The following GRIP1 variants were observed in gnomAD, a reference collection of about 807,000 sequenced individuals.
GRIP1 encodes glutamate receptor interacting protein 1, also known as glutamate receptor-interacting protein 1.
GRIP1 carries 45 observed loss-of-function variants against 129.9 expected under a neutral mutation model. The observed-to-expected ratio is 0.35, with a 90% CI of 0.27 to 0.44. The LOEUF is 0.44. GRIP1 is among the 20% of genes least tolerant of loss of function. The pLI is 1.00. For missense variants in GRIP1, 1,196 were observed against 1,396.8 expected (o/e 0.86, Z 2.29); for synonymous variants, 530 against 520.8 (o/e 1.02, Z -0.24).
intron 1 of GRIP1, among the ~76,000 whole-genome samples, chr12:66,815,842 TTCTTTCTTTCTTTCTC>T (rs1196613490): frequency 2.3e-5 from 1 of 43,066 alleles, no homozygotes; most frequent in Non-Finnish European, 7.7e-5. Flanking sequence ...CTTTCTTTCT[TTCTTTCTTTCTTTCTC>T]TCTCTCTCTC....
At chr12:66,877,993 T>C (rs1399389760) in intron 1 of GRIP1, among the ~76,000 whole-genome samples, 2 of 152,096 alleles carry the variant, frequency 1.3e-5, no homozygotes, top group Non-Finnish European at 2.9e-5. Context: ...GACATAAGGT[T>C]TCCTCTGCTT....
At chr12:66,547,566 C>G (rs1043870962) in intron 2 of GRIP1, among the ~76,000 whole-genome samples, 1 of 152,166 alleles carries the variant, frequency 6.6e-6, no homozygotes, top group East Asian at 1.9e-4. Context: ...TGTGGTTTGT[C>G]TATACCACGG....
chr12:66,476,382 C>T (rs1480026159), intron 7 of GRIP1, among the ~76,000 whole-genome samples: 5 of 152,100 alleles, frequency 3.3e-5, no homozygotes. Flanking sequence ...TAATAGCTTA[C>T]CAACCAAAAA....
At chr12:66,416,266 A>T (rs1029354893) in intron 15 of GRIP1, among the ~76,000 whole-genome samples, 2 of 152,180 alleles carry the variant, frequency 1.3e-5, no homozygotes, top group Admixed American at 1.3e-4. Flanking sequence ...AGCAGCACTA[A>T]GCAGGAAATT....
intron 1 of GRIP1, among the ~76,000 whole-genome samples, chr12:66,608,459 A>G (rs532436546): frequency 6.6e-6 from 1 of 152,144 alleles, no homozygotes; most frequent in Non-Finnish European, 1.5e-5. Flanking sequence ...CAGCCTACTG[A>G]GTAGCTGGGA....
At chr12:66,515,530 A>G (rs1668173237) in intron 7 of GRIP1, 89 bp downstream of exon 7, 2 of 1,187,760 alleles carry the variant, frequency 1.7e-6, no homozygotes, top group Admixed American at 1.7e-5. Context: ...GGAGGGCATG[A>G]CAATACATAC....
At chr12:67,021,919 C>T (rs903337692) in intron 1 of GRIP1, among the ~76,000 whole-genome samples, 12 of 152,044 alleles carry the variant, frequency 7.9e-5, no homozygotes, top group African/African-American at 2.9e-4. Flanking sequence ...TTTTTCTGGT[C>T]CTGGCTTATT....
intron 23 of GRIP1, among the ~76,000 whole-genome samples, chr12:66,356,988 T>C (rs1844410005): frequency 6.6e-6 from 1 of 152,216 alleles, no homozygotes; most frequent in African/African-American, 2.4e-5. Context: ...GCAATTCTCC[T>C]ATCTCAGCCA....
At chr12:66,579,887 T>G (rs11176278) in intron 2 of GRIP1, among the ~76,000 whole-genome samples, 7,596 of 144,756 alleles carry the variant, frequency 0.052, 259 homozygotes, top group African/African-American at 0.075. Context: ...CCAACATTCA[T>G]ATTCAGGAAA....
intron 1 of GRIP1, among the ~76,000 whole-genome samples, chr12:66,634,769 A>G (rs1314729352): frequency 6.6e-6 from 1 of 152,238 alleles, no homozygotes; most frequent in Non-Finnish European, 1.5e-5. Context: ...CCCAATTTAC[A>G]GAACTAGTGA....
intron 2 of GRIP1, among the ~76,000 whole-genome samples, chr12:66,579,004 A>T (rs2063258382): frequency 6.6e-6 from 1 of 151,914 alleles, no homozygotes; most frequent in Non-Finnish European, 1.5e-5. Context: ...ACTGGGAGGC[A>T]CCCCCCAGTA....
chr12:66,665,617 G>A (rs1345905131), intron 1 of GRIP1, among the ~76,000 whole-genome samples: 2 of 152,112 alleles, frequency 1.3e-5, no homozygotes, highest in Admixed American at 6.5e-5. Flanking sequence ...TTTATTGCAT[G>A]GCAGAGTGGT....
chr12:66,538,254 C>T (rs1382541228), intron 4 of GRIP1, among the ~76,000 whole-genome samples: 1 of 150,560 alleles, frequency 6.6e-6, no homozygotes, highest in Non-Finnish European at 1.5e-5. Context: ...GGCTGGAGTG[C>T]AATGACACAA....
At chr12:66,886,193 G>C (rs1238897179) in intron 1 of GRIP1, among the ~76,000 whole-genome samples, 4 of 152,220 alleles carry the variant, frequency 2.6e-5, no homozygotes, top group African/African-American at 9.6e-5. Context: ...TTGAACCCGG[G>C]AGTTGGAGGT....
intron 7 of GRIP1, among the ~76,000 whole-genome samples, chr12:66,489,206 A>T (rs921471548): frequency 1.3e-5 from 2 of 152,130 alleles, no homozygotes; most frequent in African/African-American, 4.8e-5. Flanking sequence ...GATGAACATC[A>T]ATGCAAAAAT....
chr12:66,347,560 C>A lies in GRIP1; in HGVS notation c.*1459G>T, dbSNP rs2054023729. ...CAAAACCATACATAGACGATAAATA[C>A]CATGCTATTAAAGTATTAAATTTGT... On this transcript the variant is annotated 3_prime_UTR_variant, in exon 25 of 25. Transcript: ENST00000359742. 1 of 152,016 alleles carries A rather than the reference C, an allele frequency of 6.6e-6. No individual in the cohort carries two copies. The highest frequency in any genetic ancestry group is 6.5e-5 in the Admixed American group (1 of 15,268). The allele number at this position is 152,016 out of a possible 1,614,324, so 9.4% of individuals were successfully genotyped here.
At chr12:67,062,616 C>T (rs1228252324) in intron 1 of GRIP1, among the ~76,000 whole-genome samples, 1 of 152,154 alleles carries the variant, frequency 6.6e-6, no homozygotes, top group East Asian at 1.9e-4. Context: ...AGAAGCTGTC[C>T]TAGAGTTATC....
At chr12:66,381,628 T>G (rs568902580) in intron 19 of GRIP1, among the ~76,000 whole-genome samples, 26 of 152,342 alleles carry the variant, frequency 1.7e-4, no homozygotes, top group African/African-American at 5.8e-4. Flanking sequence ...TGGTGAAATT[T>G]CAACATTTTA....
chr12:66,969,404 GTTGT>G lies in GRIP1; in HGVS notation c.58+99642_58+99645del, dbSNP rs1306112491. Among the ~76,000 whole-genome samples, 4 of 151,988 alleles carry G rather than the reference GTTGT, an allele frequency of 2.6e-5. No individual in the cohort carries two copies. The East Asian group carries it at 7.7e-4, about 29-fold the overall frequency. ...AAAGTTCTGAGTTCTTGCATCTTCT[GTTGT>G]TTGTTTGGTTGGTTTTTGAGACACA... On this transcript the variant is annotated intron_variant, in intron 1 of 1. Transcript: ENST00000643019.
Sources: gnomAD v4.1 joint callset for allele counts (sites outside exome capture counted in the v4.1 genomes callset) on GRCh38, gnomAD v4.1.1 for gene constraint, MANE v1.5 for transcripts, NCBI Gene and HGNC (gene_info 2026-07-23, HGNC 2026-07-21) for gene names.